The following MYO10 variants were observed in gnomAD, a reference collection of about 807,000 sequenced individuals.
MYO10 encodes the protein myosin X.
In MYO10, 133 loss-of-function variants were observed where a neutral mutation model predicts 257.3. That is an observed-to-expected ratio of 0.52 (90% CI 0.45 to 0.60). The LOEUF (loss-of-function observed/expected upper bound fraction) is 0.60. Ranked by LOEUF, MYO10 falls within the 20% of genes least tolerant of loss-of-function variation. The probability of loss-of-function intolerance (pLI) is 0.00; values close to 1 mark genes in which losing one functional copy is unlikely to be tolerated. For missense variants in MYO10, 2,399 were observed against 2,635.7 expected (o/e 0.91, Z 1.97); for synonymous variants, 1,104 against 1,028.6 (o/e 1.07, Z -1.40).
In MYO10 at chr5:16,932,451, G is replaced by A. The variant is rs545079186; in HGVS notation, c.21+3337C>T. Reference sequence around the variant, plus strand: ...CAGTAGCCTTGCCCCTTTCCTGGTTGAGCCTTTTCTGTTTGCTTTTTTTAT... The same window carrying A: ...CAGTAGCCTTGCCCCTTTCCTGGTTAAGCCTTTTCTGTTTGCTTTTTTTAT... On this transcript the variant is annotated intron_variant, in intron 1 of 40. Transcript: ENST00000513610. Among the ~76,000 whole-genome samples the A allele has an allele frequency of 1.2e-4, 19 of 152,180 alleles. No homozygotes were observed. In the East Asian group the frequency reaches 3.5e-3, roughly 28 times the overall value.
intron 19 of MYO10, among the ~76,000 whole-genome samples, chr5:16,729,503 G>C (rs550974661): frequency 2.0e-5 from 3 of 149,944 alleles, no homozygotes; most frequent in Non-Finnish European, 4.4e-5. Context: ...CCAGGCTGGA[G>C]TGCAGTGGCG....
chr5:16,808,712 C>T (rs1024885363), intron 3 of MYO10, among the ~76,000 whole-genome samples: 1 of 152,118 alleles, frequency 6.6e-6, no homozygotes, highest in Admixed American at 6.5e-5. Flanking sequence ...CACTCTATTG[C>T]ATAGGCTGGA....
chr5:16,924,368 C>T (rs1428568360), intron 1 of MYO10, among the ~76,000 whole-genome samples: 1 of 152,124 alleles, frequency 6.6e-6, no homozygotes, highest in African/African-American at 2.4e-5. Flanking sequence ...TTTCCTTAAG[C>T]TTCTAGTAAG....
chr5:16,725,078 C>CTTTTTTTTT (rs34100971), intron 19 of MYO10, among the ~76,000 whole-genome samples: 18 of 74,938 alleles, frequency 2.4e-4, no homozygotes, highest in Non-Finnish European at 4.0e-4. Context: ...CCTTCTTCTT[C>CTTTTTTTTT]TTTTTTTTTT....
At chr5:16,731,650 A>G (rs1183382388) in intron 19 of MYO10, among the ~76,000 whole-genome samples, 1 of 152,230 alleles carries the variant, frequency 6.6e-6, no homozygotes, top group African/African-American at 2.4e-5. Flanking sequence ...CGCCAGGCCA[A>G]AACATGCTTC....
chr5:16,771,146 G>T (rs1404063475), intron 9 of MYO10, among the ~76,000 whole-genome samples: 7 of 152,160 alleles, frequency 4.6e-5, no homozygotes, highest in African/African-American at 1.7e-4. Context: ...AGAATTAAAA[G>T]ATCCACTGAC....
In MYO10 at chr5:16,813,717, T is replaced by C. The variant is rs188203864; in HGVS notation, c.279+4292A>G. Reference sequence around the variant, plus strand: ...CACAGGTGATTATGGTTATGAAGCCTGAGATGGGGAGATCATCCAGGGAGG... The same window carrying C: ...CACAGGTGATTATGGTTATGAAGCCCGAGATGGGGAGATCATCCAGGGAGG... On this transcript the variant is annotated intron_variant, in intron 3 of 40. Transcript: ENST00000513610. Among the ~76,000 whole-genome samples, 317 of 152,264 alleles carry C rather than the reference T, an allele frequency of 2.1e-3. 2 individuals are homozygous for C. The highest frequency in any genetic ancestry group is 7.3e-3 in the African/African-American group (303 of 41,550).
At chr5:16,695,331 C>T (rs1737695161) in intron 26 of MYO10, among the ~76,000 whole-genome samples, 5 of 152,096 alleles carry the variant, frequency 3.3e-5, no homozygotes, top group Admixed American at 3.3e-4. Flanking sequence ...GAGACTCCGT[C>T]TCAAAAAATA....
chr5:16,786,190 G>C (rs1369373014), intron 4 of MYO10, among the ~76,000 whole-genome samples: 3 of 152,120 alleles, frequency 2.0e-5, no homozygotes, highest in South Asian at 2.1e-4. Flanking sequence ...GTCTGTCATA[G>C]CAGCCAGCCT....
At chr5:16,742,077 A>C in intron 19 of MYO10, 2 of 985,432 alleles carry the variant, frequency 2.0e-6, no homozygotes, top group Non-Finnish European at 2.4e-6. Context: ...GCACGCATCA[A>C]CAAATGTGTA....
intron 11 of MYO10, among the ~76,000 whole-genome samples, chr5:16,764,809 C>T (rs1480421850): frequency 6.6e-6 from 1 of 152,092 alleles, no homozygotes; most frequent in Non-Finnish European, 1.5e-5. Context: ...CTGCTTCAGC[C>T]CCCTGAGTAG....
chr5:16,816,454 G>T (rs555420309), intron 3 of MYO10, among the ~76,000 whole-genome samples: 1 of 151,390 alleles, frequency 6.6e-6, no homozygotes, highest in African/African-American at 2.4e-5. Flanking sequence ...TCAGTCTAAG[G>T]GTAGATAAAT....
chr5:16,868,608 A>C (rs1182362180), intron 2 of MYO10, among the ~76,000 whole-genome samples: 1 of 152,098 alleles, frequency 6.6e-6, no homozygotes, highest in East Asian at 1.9e-4. Context: ...CCGTCTCAAA[A>C]AAAAAAAAAA....
In MYO10 at chr5:16,717,545, T is replaced by C. The variant is rs184720858; in HGVS notation, c.1930-6300A>G. On this transcript the variant is annotated intron_variant, in intron 19 of 40. Transcript: ENST00000513610. ...TCGATAAGAAATCAGTTTGCTACAT[T>C]GTGAGTTCAGCCAAACATCTGCATA... Among the ~76,000 whole-genome samples the C allele has an allele frequency of 4.6e-3, 697 of 152,326 alleles. 2 individuals carry two copies. The highest frequency in any genetic ancestry group is 7.3e-3 in the Non-Finnish European group (500 of 68,028).
chr5:16,763,814 TGAAGAAAAGAC>T, intron 12 of MYO10, 59 bp from the exon 13 acceptor site: 1 of 1,038,228 alleles, frequency 9.6e-7, no homozygotes, highest in Non-Finnish European at 1.4e-6. Context: ...TATAGAAAGG[TGAAGAAAAGAC>T]AAAGAAAAGA....
chr5:16,772,457 T>G (rs1741083661), intron 9 of MYO10, among the ~76,000 whole-genome samples: 1 of 152,220 alleles, frequency 6.6e-6, no homozygotes, highest in South Asian at 2.1e-4. Flanking sequence ...TAAAGAAAAT[T>G]ATGCACATGA....
intron 1 of MYO10, among the ~76,000 whole-genome samples, chr5:16,903,201 T>TG (rs1425644231): frequency 2.0e-5 from 3 of 152,228 alleles, no homozygotes; most frequent in Non-Finnish European, 4.4e-5. Context: ...GGTCAGGAGT[T>TG]GAAGACCAGC....
chr5:16,683,205 C>T (rs191383831), intron 30 of MYO10, among the ~76,000 whole-genome samples: 25 of 152,306 alleles, frequency 1.6e-4, no homozygotes, highest in Admixed American at 8.5e-4. Context: ...CACTTTCCAG[C>T]ATCTTACTGA....
intron 34 of MYO10, among the ~76,000 whole-genome samples, chr5:16,675,762 C>T (rs752834199): frequency 3.9e-5 from 6 of 152,008 alleles, no homozygotes; most frequent in Non-Finnish European, 7.4e-5. Context: ...AAACAAAAGG[C>T]TACTCTCAGT....
Sources: gnomAD v4.1 joint callset for allele counts (sites outside exome capture counted in the v4.1 genomes callset) on GRCh38, gnomAD v4.1.1 for gene constraint, MANE v1.5 for transcripts, NCBI Gene and HGNC (gene_info 2026-07-23, HGNC 2026-07-21) for gene names.